EPN1: variants seen among roughly 807,000 people sequenced by gnomAD.
The protein encoded by EPN1 is epsin 1.
Under a neutral mutation model 56.9 loss-of-function variants are expected in EPN1, and 25 were observed. The ratio of observed to expected loss-of-function variants is 0.44; its 90% CI spans 0.32 to 0.61. The LOEUF (loss-of-function observed/expected upper bound fraction) is 0.61. Ranked by LOEUF, EPN1 falls within the 20% of genes least tolerant of loss-of-function variation. EPN1 has a pLI of 0.05. For synonymous variants in EPN1, 411 were observed against 361.8 expected (o/e 1.14, Z -1.54); for missense variants, 785 against 823.7 (o/e 0.95, Z 0.58).
At chr19:55,677,094 G>C in intron 1 of EPN1, 2 of 1,539,986 alleles carry the variant, frequency 1.3e-6, no homozygotes, top group East Asian at 2.5e-5. Flanking sequence ...GCCTCTCTCC[G>C]TCATCCCTAT....
chr19:55,691,280 CCTG>C lies in EPN1; in HGVS notation c.763-473_763-471del. The stretch of plus-strand genomic sequence containing the variant: ...GCATCGTGAGGGGTGCTCAGGTTGA[CCTG>C]AGTGGGTTCATGGGGGGCTTCCCAG... On this transcript the variant is annotated intron_variant, in intron 6 of 10. Transcript: ENST00000270460. The surrounding 1 kb of genome is among the most constrained non-coding windows in gnomAD (Gnocchi z 5.6). Among the ~76,000 whole-genome samples, 1 of 152,126 alleles carries C rather than the reference CCTG, an allele frequency of 6.6e-6. No homozygotes were observed. The highest frequency in any genetic ancestry group is 1.9e-4 in the East Asian group (1 of 5,154).
chr19:55,680,802 G>A (rs973589272), intron 2 of EPN1: 2 of 152,556 alleles, frequency 1.3e-5, no homozygotes, highest in African/African-American at 4.8e-5. Context: ...CACAGGCCCA[G>A]AGGCCCTGAG....
Position 55,689,424 on chromosome 19 carries a change from C to A in EPN1, c.678+53C>A. ...CTGCCAGGGGCTCCCCTCAGACCAG[C>A]CCCGTCGCCCCTTCCTAAGTCACCC... On this transcript the variant is annotated intron_variant, in intron 5 of 10. Transcript: ENST00000270460. This position sits in a 1 kb window ranked among gnomAD's most constrained non-coding sequence, Gnocchi z 5.7. 7.2e-7 allele frequency: 1 copy of A among 1,383,200 alleles called. No homozygotes were observed. Among genetic ancestry groups the A allele is most frequent in the Non-Finnish European group, 1.0e-6 (1 of 995,358 alleles). 85.7% of individuals were successfully genotyped at this position (1,383,200 alleles called of 1,614,324 possible).
chr19:55,676,946 C>T (rs1221230688), intron 1 of EPN1: 5 of 544,382 alleles, frequency 9.2e-6, no homozygotes, highest in African/African-American at 5.7e-5. Flanking sequence ...CAGTCCCCTT[C>T]TCTGCATTTG....
rs1393237186 is a variant in EPN1 at position 55,706,266 on chromosome 19, C to G, written c.*10910C>G. ...CTTTTTCCTCCTCTTTTCTTCCTTT[C>G]TTCTCTTTTTCTTCTTCTTTTTTTT... On this transcript the variant is annotated 3_prime_UTR_variant, in exon 11 of 11. Transcript: ENST00000270460. 8.4e-6 allele frequency: 1 copy of G among 119,214 alleles called. No individual in the cohort carries two copies. The highest frequency in any genetic ancestry group is 1.7e-5 in the Non-Finnish European group (1 of 57,726). 7.4% of individuals were successfully genotyped at this position (119,214 alleles called of 1,614,324 possible). A position where few individuals can be genotyped will look rare whatever the true frequency, so the allele number is the denominator to read the frequency against.
chr19:55,680,312 A>G (rs1341598728), intron 2 of EPN1, among the ~76,000 whole-genome samples: 2 of 152,024 alleles, frequency 1.3e-5, no homozygotes, highest in East Asian at 1.9e-4. Context: ...GACCTCCCCT[A>G]TGGTTTTTGC....
intron 2 of EPN1, among the ~76,000 whole-genome samples, chr19:55,682,681 C>G (rs10417539): frequency 0.093 from 14,114 of 152,224 alleles, 857 homozygotes; most frequent in East Asian, 0.29. Context: ...GATCCACCGA[C>G]TTTAGCCTCT....
chr19:55,695,355 A>C lies in EPN1; in HGVS notation c.1730A>C (p.Ter577SerextTer121). The change falls in exon 11 of 11, where the codon TAA (stop) becomes TCA (serine). Residue 577 changes from the stop codon to serine (S), a stop_lost. Coordinates refer to ENST00000270460, the MANE Select transcript of EPN1 (RefSeq NM_001130072.2). This position sits in a 1 kb window ranked among gnomAD's most constrained non-coding sequence, Gnocchi z 4.4. Reference protein sequence around the residue: ...PAPNTNPFLL* With the variant: ...PAPNTNPFLLS The stretch of plus-strand genomic sequence containing the variant: ...CCCAACACTAATCCCTTCCTCCTAT[A>C]ATCCAGGGCGGAAGGGGGCCTGGCT... 2 of 1,463,356 alleles carry C rather than the reference A, an allele frequency of 1.4e-6. No individual in the cohort carries two copies. The highest frequency in any genetic ancestry group is 1.9e-6 in the Non-Finnish European group (2 of 1,081,030). The allele number at this position is 1,463,356 out of a possible 1,614,324, so 90.6% of individuals were successfully genotyped here.
rs184616170 is a variant in EPN1 at position 55,697,460 on chromosome 19, C to T, written c.*2104C>T. On this transcript the variant is annotated 3_prime_UTR_variant, in exon 11 of 11. Transcript: ENST00000270460. Reference sequence around the variant, plus strand: ...CCTTTCTCTTCAAAAAAGCTGAGGACGAAGATAAAATGATACAGTTGGATT... The same window carrying T: ...CCTTTCTCTTCAAAAAAGCTGAGGATGAAGATAAAATGATACAGTTGGATT... 5 of 152,242 alleles carry T rather than the reference C, an allele frequency of 3.3e-5. No homozygotes were observed. In the East Asian group the frequency reaches 5.8e-4, roughly 18 times the overall value. 9.4% of individuals were successfully genotyped at this position (152,242 alleles called of 1,614,324 possible). A position where few individuals can be genotyped will look rare whatever the true frequency, so the allele number is the denominator to read the frequency against.
At position 55,678,780 on chromosome 19, in the gene EPN1, C is replaced by T. The variant is rs375450027; in HGVS notation, c.153C>T (p.Val51=). 17 of 1,614,018 alleles carry T rather than the reference C, an allele frequency of 1.1e-5. No individual in the cohort carries two copies. Among genetic ancestry groups the T allele is most frequent in the South Asian group, 3.3e-5 (3 of 91,088 alleles). The change falls in exon 2 of 11, where the codon GTC becomes GTT. Residue 51 remains valine, a synonymous_variant. Coordinates refer to ENST00000270460, the MANE Select transcript of EPN1 (RefSeq NM_001130072.2). ...TTGCCGACCTCACCTACAACGTTGT[C>T]GCCTTCTCGGAGATCATGAGCATGA... is the stretch of plus-strand genomic sequence containing the variant. ...SEIADLTYNV[V]AFSEIMSMIW... is the part of the protein sequence containing the mutation.
chr19:55,692,650 G>A (rs1390060562), intron 7 of EPN1, 36 bp from the exon 8 acceptor site: 12 of 1,386,512 alleles, frequency 8.7e-6, no homozygotes, highest in Non-Finnish European at 1.2e-5. Context: ...GGCAGTCAAG[G>A]TTGCCAGCCC....
At chr19:55,676,297 C>T (rs1312898309) in intron 1 of EPN1, among the ~76,000 whole-genome samples, 15 of 151,640 alleles carry the variant, frequency 9.9e-5, no homozygotes, top group Admixed American at 9.8e-4. Flanking sequence ...TTGGAGTACT[C>T]CTTGGAGAAC....
In EPN1 at chr19:55,692,833, G is replaced by C. The variant is rs758354007; in HGVS notation, c.1177+37G>C. On this transcript the variant is annotated intron_variant, in intron 8 of 10. Coordinates refer to ENST00000270460, the MANE Select transcript of EPN1 (RefSeq NM_001130072.2). ...GGGGTGGGAATGGAGCCCCGGGTGG[G>C]AGTGAGTGGGAGAAGTTAGTGTTGA... The C allele has an allele frequency of 3.2e-6, 5 of 1,582,542 alleles. No individual in the cohort carries two copies. The African/African-American group carries it at 5.4e-5, about 17-fold the overall frequency.
At position 55,707,951 on chromosome 19, in the gene EPN1, C is replaced by G. The variant is rs1359523490; in HGVS notation, c.*12595C>G. On this transcript the variant is annotated 3_prime_UTR_variant, in exon 11 of 11. Coordinates refer to ENST00000270460, the MANE Select transcript of EPN1 (RefSeq NM_001130072.2). ...AGCCACCACTCCTGGCCTATGCCAGCATTCTTTAAAGTTGTGGGAAAAGGC... is the reference window on the plus strand; with the variant it reads ...AGCCACCACTCCTGGCCTATGCCAGGATTCTTTAAAGTTGTGGGAAAAGGC... 4 of 152,602 alleles carry G rather than the reference C, an allele frequency of 2.6e-5. No individual in the cohort carries two copies. Among genetic ancestry groups the G allele is most frequent in the Non-Finnish European group, 5.9e-5 (4 of 68,228 alleles). 9.5% of individuals were successfully genotyped at this position (152,602 alleles called of 1,614,324 possible).
At position 55,689,957 on chromosome 19, in the gene EPN1, G is replaced by A. The variant is rs1385660139; in HGVS notation, c.762+7G>A. 6.3e-6 allele frequency: 10 copies of A among 1,591,254 alleles called. No homozygotes were observed. Among genetic ancestry groups the A allele is most frequent in the East Asian group, 4.6e-5 (2 of 43,820 alleles). ...GACTGGGGGCAAGGAGGAGGTGAGC[G>A]GGGCTTGTTCTGCCCTCCCTGGCCC... On this transcript the variant is annotated splice_region_variant and intron_variant, in intron 6 of 10. Transcript: ENST00000270460. The surrounding 1 kb of genome is among the most constrained non-coding windows in gnomAD (Gnocchi z 5.7).
Position 55,707,278 on chromosome 19 carries a change from G to T in EPN1, c.*11922G>T, listed in dbSNP as rs149039344. On this transcript the variant is annotated 3_prime_UTR_variant, in exon 11 of 11. Transcript: ENST00000270460. ...CATCACTTGAACCCAGGAGTTCAAG[G>T]CTGCAGTGAGCTATGATGGCACCAC... 4 of 152,108 alleles carry T rather than the reference G, an allele frequency of 2.6e-5. No homozygotes were observed. Among genetic ancestry groups the T allele is most frequent in the African/African-American group, 9.6e-5 (4 of 41,464 alleles). The allele number at this position is 152,108 out of a possible 1,614,324, so 9.4% of individuals were successfully genotyped here. A position where few individuals can be genotyped will look rare whatever the true frequency, so the allele number is the denominator to read the frequency against.
intron 2 of EPN1, among the ~76,000 whole-genome samples, chr19:55,685,119 C>G (rs1986076768): frequency 6.6e-6 from 1 of 152,266 alleles, no homozygotes; most frequent in Non-Finnish European, 1.5e-5. Context: ...CTGGATGATT[C>G]ACGTCGATGG....
chr19:55,681,213 T>A (rs1022167614), intron 2 of EPN1, among the ~76,000 whole-genome samples: 2 of 152,174 alleles, frequency 1.3e-5, no homozygotes, highest in African/African-American at 4.8e-5. Context: ...TGAGTATTGG[T>A]GAGTAAGGGC....
chr19:55,685,512 C>G lies in EPN1; in HGVS notation c.345C>G (p.Asp115Glu). Residue 115 changes from aspartate (D) to glutamate (E), a missense_variant, in exon 3 of 11, where the codon GAC becomes GAG. Around this residue, in one of 2 missense-constraint regions of EPN1, gnomAD observed 135 missense variants for 218.7 expected, o/e 0.62. Transcript: ENST00000270460. ...AGGACTTCCAGTACGTGGACCGCGA[C>G]GGCAAGGACCAGGGCGTGAACGTGC... is the stretch of plus-strand genomic sequence containing the variant. ...TLKDFQYVDR[D>E]GKDQGVNVRE... 6.2e-7 allele frequency: 1 copy of G among 1,612,940 alleles called. No individual in the cohort carries two copies. Among genetic ancestry groups the G allele is most frequent in the Non-Finnish European group, 8.5e-7 (1 of 1,179,496 alleles).
Sources: gnomAD v4.1 joint callset for allele counts (sites outside exome capture counted in the v4.1 genomes callset) on GRCh38, gnomAD v4.1.1 for gene constraint, gnomAD v4.1.1 regional missense constraint, Gnocchi (gnomAD v3.1) non-coding constraint, MANE v1.5 for transcripts, NCBI Gene and HGNC (gene_info 2026-07-23, HGNC 2026-07-21) for gene names.